The following CRYBG1 variants were observed in gnomAD, a reference collection of about 807,000 sequenced individuals.
CRYBG1 encodes the protein beta/gamma crystallin domain-containing protein 1.
In CRYBG1, 139 loss-of-function variants were observed where a neutral mutation model predicts 189.2. The observed-to-expected ratio is 0.73, with a 90% confidence interval of 0.64 to 0.85. CRYBG1 has a LOEUF of 0.85. Among genes scored for constraint, CRYBG1 ranks in the 40% least tolerant of loss-of-function variants. The pLI is 0.00. For synonymous variants in CRYBG1, 1,023 were observed against 1,017.1 expected (o/e 1.01, Z -0.11); for missense variants, 2,611 against 2,675.8 (o/e 0.98, Z 0.53).
In CRYBG1 at chr6:106,527,304, G is replaced by A; in HGVS notation, c.4413-1G>A. The A allele has an allele frequency of 6.2e-7, 1 of 1,609,550 alleles. No individual in the cohort carries two copies. Among genetic ancestry groups the A allele is most frequent in the Non-Finnish European group, 8.5e-7 (1 of 1,177,754 alleles). ...ATGGTTTTGCTGTGTTTTATTGTTA[G>A]TTGGATTTTGTATGAGCAACCAAAT... On this transcript the variant is annotated splice_acceptor_variant, in intron 6 of 21. Coordinates refer to ENST00000633556, the MANE Select transcript of CRYBG1 (RefSeq NM_001371242.2). LOFTEE classifies it high-confidence loss of function.
chr6:106,454,156 C>G (rs541236297), intron 2 of CRYBG1, among the ~76,000 whole-genome samples: 2 of 152,152 alleles, frequency 1.3e-5, no homozygotes, highest in Non-Finnish European at 2.9e-5. Context: ...TCCCTTCTCC[C>G]CTCTCTCTTT....
chr6:106,468,214 G>A (rs1313312730), intron 2 of CRYBG1, among the ~76,000 whole-genome samples: 5 of 152,156 alleles, frequency 3.3e-5, no homozygotes, highest in African/African-American at 1.2e-4. Context: ...TGACAGTTTC[G>A]GGAGTCGAGG....
intron 1 of CRYBG1, among the ~76,000 whole-genome samples, chr6:106,448,709 A>G (rs1352934041): frequency 1.3e-5 from 2 of 152,222 alleles, no homozygotes; most frequent in Admixed American, 6.5e-5. Context: ...TAGAATGCAC[A>G]TCGACATCCA....
At chr6:106,503,064 G>A (rs375181191) in intron 2 of CRYBG1, among the ~76,000 whole-genome samples, 3 of 152,184 alleles carry the variant, frequency 2.0e-5, no homozygotes, top group Admixed American at 6.5e-5. Context: ...AAAGCGGCTC[G>A]GGAATATGGG....
At chr6:106,558,338 A>C in intron 17 of CRYBG1, 148 bp from the exon 18 acceptor site, 1 of 608,370 alleles carries the variant, frequency 1.6e-6, no homozygotes, top group Non-Finnish European at 2.8e-6. Context: ...GAGTACACAA[A>C]CATCCAGGCT....
intron 1 of CRYBG1, among the ~76,000 whole-genome samples, chr6:106,391,976 C>T (rs867505376): frequency 1.4e-5 from 2 of 140,160 alleles, no homozygotes; most frequent in African/African-American, 5.4e-5. Flanking sequence ...TGTGTGCGTG[C>T]GCGTTTCCTG....
chr6:106,554,859 T>G (rs1774496170), intron 16 of CRYBG1, among the ~76,000 whole-genome samples: 1 of 152,038 alleles, frequency 6.6e-6, no homozygotes, highest in Non-Finnish European at 1.5e-5. Flanking sequence ...AAAAGGCATT[T>G]GTTGGGTTAA....
chr6:106,492,980 T>G (rs1772758938), intron 2 of CRYBG1, among the ~76,000 whole-genome samples: 1 of 152,036 alleles, frequency 6.6e-6, no homozygotes, highest in African/African-American at 2.4e-5. Flanking sequence ...AATTTTTTTT[T>G]TTTTTACTTT....
intron 1 of CRYBG1, among the ~76,000 whole-genome samples, chr6:106,436,049 G>A (rs1771446770): frequency 1.3e-5 from 2 of 152,016 alleles, no homozygotes; most frequent in Non-Finnish European, 1.5e-5. Flanking sequence ...TTCCATCATC[G>A]GAGTTTTACC....
At chr6:106,420,830 G>T (rs1771109570) in intron 1 of CRYBG1, 1 of 152,394 alleles carries the variant, frequency 6.6e-6, no homozygotes, top group East Asian at 1.9e-4. Flanking sequence ...AGAAAAAAAA[G>T]GTTGTGTTTT....
At chr6:106,521,772 G>A (rs991101019) in intron 4 of CRYBG1, among the ~76,000 whole-genome samples, 5 of 138,758 alleles carry the variant, frequency 3.6e-5, no homozygotes, top group African/African-American at 1.4e-4. Flanking sequence ...AGGCTGGAGT[G>A]CAGTGGTGCA....
At position 106,539,499 on chromosome 6, in the gene CRYBG1, G is replaced by A. The variant is rs368709659; in HGVS notation, c.4815G>A (p.Ala1605=). 9.2e-5 allele frequency: 148 copies of A among 1,613,370 alleles called. 1 individual carries two copies. Among genetic ancestry groups the A allele is most frequent in the South Asian group, 4.3e-4 (39 of 91,038 alleles). ...PDLSFWDTEE[A]YIGSMRPLKM... is the part of the protein sequence containing the mutation. ...TGTCCTTCTGGGATACAGAAGAAGC[G>A]TACATTGGATCCATGCGGCCTCTGA... Residue 1605 remains alanine, a synonymous_variant, in exon 9 of 22, where the codon GCG becomes GCA. Transcript: ENST00000633556.
chr6:106,570,918 G>A lies in CRYBG1; in HGVS notation c.*2352G>A, dbSNP rs1343031459. The stretch of plus-strand genomic sequence containing the variant: ...TCAAAAGTTACAAGCAAGCATATCA[G>A]GTGCAATACTGAGGATGAGTATATT... On this transcript the variant is annotated 3_prime_UTR_variant, in exon 22 of 22. Transcript: ENST00000633556. 2 of 152,132 alleles carry A rather than the reference G, an allele frequency of 1.3e-5. No homozygotes were observed. The highest frequency in any genetic ancestry group is 2.9e-5 in the Non-Finnish European group (2 of 68,036). 9.4% of individuals were successfully genotyped at this position (152,132 alleles called of 1,614,324 possible).
intron 20 of CRYBG1, 46 bp downstream of exon 20, chr6:106,561,546 G>T: frequency 1.3e-6 from 2 of 1,572,328 alleles, no homozygotes; most frequent in Non-Finnish European, 1.7e-6. Flanking sequence ...TTTGCTAGGA[G>T]GTGACTCATC....
At position 106,530,256 on chromosome 6, in the gene CRYBG1, A is replaced by G; in HGVS notation, c.4659A>G (p.Glu1553=). ...TAAGTTCCTACTTTGATGATACTGAAGAAATGCAGGGATTTGGTGTAATGC... is the reference window on the plus strand; with the variant it reads ...TAAGTTCCTACTTTGATGATACTGAGGAAATGCAGGGATTTGGTGTAATGC... ...GILSSYFDDT[E]EMQGFGVMQK... The change falls in exon 8 of 22, where the codon GAA becomes GAG. Residue 1553 remains glutamate (E), a synonymous_variant. Transcript: ENST00000633556. The G allele has an allele frequency of 6.2e-7, 1 of 1,613,936 alleles. No homozygotes were observed. Among genetic ancestry groups the G allele is most frequent in the South Asian group, 1.1e-5 (1 of 91,074 alleles).
intron 1 of CRYBG1, among the ~76,000 whole-genome samples, chr6:106,375,016 G>A (rs756724309): frequency 1.3e-5 from 2 of 150,684 alleles, no homozygotes; most frequent in Non-Finnish European, 3.0e-5. Context: ...ATATTGAGGT[G>A]GGGGGGGCAT....
At chr6:106,472,448 A>C (rs1772249644) in intron 2 of CRYBG1, among the ~76,000 whole-genome samples, 1 of 152,210 alleles carries the variant, frequency 6.6e-6, no homozygotes, top group Non-Finnish European at 1.5e-5. Context: ...TTGAATAAAA[A>C]CTATCTAAAG....
chr6:106,437,651 G>A lies in CRYBG1; in HGVS notation c.174-14043G>A, dbSNP rs571432032. On this transcript the variant is annotated intron_variant, in intron 1 of 21. Coordinates refer to ENST00000633556, the MANE Select transcript of CRYBG1 (RefSeq NM_001371242.2). ...AGGGTGTTGCTATGTTGCCCAGGCC[G>A]GTTTTGAACTCTTGGGCTCAATTGA... 3.3e-5 allele frequency among the ~76,000 whole-genome samples: 5 copies of A among 152,262 alleles called. No homozygotes were observed. In the East Asian group the frequency reaches 5.8e-4, roughly 18 times the overall value.
At chr6:106,502,581 G>C (rs1332434386) in intron 2 of CRYBG1, among the ~76,000 whole-genome samples, 2 of 152,200 alleles carry the variant, frequency 1.3e-5, no homozygotes, top group Non-Finnish European at 2.9e-5. Flanking sequence ...CATCTCAACT[G>C]TAAAGCAAAT....
Sources: gnomAD v4.1 joint callset for allele counts (sites outside exome capture counted in the v4.1 genomes callset) on GRCh38, gnomAD v4.1.1 for gene constraint, MANE v1.5 for transcripts, NCBI Gene and HGNC (gene_info 2026-07-23, HGNC 2026-07-21) for gene names.